The following SV2C variants were observed in gnomAD, a reference collection of about 807,000 sequenced individuals.
SV2C encodes the protein synaptic vesicle glycoprotein 2C, also known as solute carrier family 22 member B3.
Under a neutral mutation model 79.7 loss-of-function variants are expected in SV2C, and 49 were observed. The ratio of observed to expected loss-of-function variants is 0.61; its 90% CI spans 0.49 to 0.78. The LOEUF is 0.78. Among genes scored for constraint, SV2C ranks in the 30% least tolerant of loss-of-function variants. SV2C has a pLI of 0.00. For missense variants in SV2C, 833 were observed against 912.9 expected, an observed-to-expected ratio of 0.91 and a Z score of 1.13; for synonymous variants, 334 against 333.2, an observed-to-expected ratio of 1.00 and a Z score of -0.03.
At chr5:75,906,780 G>C in the SV2C span, among the ~76,000 whole-genome samples, 1 of 152,064 alleles carries the variant, frequency 6.6e-6, no homozygotes, top group African/African-American at 2.4e-5. Context: ...GTCCTCACTG[G>C]CACATCTTAC....
At chr5:75,854,108 A>G in the SV2C span, among the ~76,000 whole-genome samples, 1 of 151,554 alleles carries the variant, frequency 6.6e-6, no homozygotes, top group African/African-American at 2.4e-5. Flanking sequence ...TAAAAATTTC[A>G]TATAAACCAA....
intron 4 of SV2C, among the ~76,000 whole-genome samples, chr5:76,232,972 GAAGA>G (rs1745476267): frequency 7.1e-6 from 1 of 140,908 alleles, no homozygotes; most frequent in East Asian, 1.9e-4. Context: ...CCAATTCTGT[GAAGA>G]AAGTCATTGG....
At chr5:76,219,315 T>C (rs1207738182) in intron 4 of SV2C, among the ~76,000 whole-genome samples, 1 of 152,262 alleles carries the variant, frequency 6.6e-6, no homozygotes, top group Non-Finnish European at 1.5e-5. Context: ...ATCAATCTTA[T>C]ATTTTATCTC....
chr5:76,252,183 G>T (rs184558929), intron 4 of SV2C, among the ~76,000 whole-genome samples: 62 of 152,232 alleles, frequency 4.1e-4, no homozygotes, highest in African/African-American at 1.4e-3. Flanking sequence ...ACAATGGTGC[G>T]ATCTTGGCTC....
At chr5:76,250,161 T>C (rs1450481915) in intron 4 of SV2C, among the ~76,000 whole-genome samples, 1 of 152,172 alleles carries the variant, frequency 6.6e-6, no homozygotes, top group Non-Finnish European at 1.5e-5. Context: ...CCTCACTCTC[T>C]TCTCCATGTC....
intron 2 of SV2C, among the ~76,000 whole-genome samples, chr5:76,164,581 T>C (rs1228885484): frequency 3.3e-5 from 5 of 152,230 alleles, no homozygotes; most frequent in Non-Finnish European, 7.3e-5. Flanking sequence ...GTTTTTGGTC[T>C]TTTGGTTTTC....
chr5:76,128,546 C>T (rs1036952961), intron 1 of SV2C, among the ~76,000 whole-genome samples: 8 of 152,084 alleles, frequency 5.3e-5, no homozygotes, highest in African/African-American at 1.2e-4. Context: ...AGCTTGAGTC[C>T]GGCATCTCCT....
At chr5:76,242,649 T>C (rs1204692738) in intron 4 of SV2C, among the ~76,000 whole-genome samples, 1 of 152,118 alleles carries the variant, frequency 6.6e-6, no homozygotes, top group East Asian at 1.9e-4. Context: ...GGTACAGGGC[T>C]AGAGTTAAAA....
chr5:76,308,263 C>T (rs1467761017), intron 12 of SV2C, among the ~76,000 whole-genome samples: 1 of 152,160 alleles, frequency 6.6e-6, no homozygotes, highest in Non-Finnish European at 1.5e-5. Flanking sequence ...TCCAGTGACA[C>T]CCAAGAGTGG....
At position 76,301,521 on chromosome 5, in the gene SV2C, T is replaced by C. The variant is rs1748000001; in HGVS notation, c.1976T>C (p.Val659Ala). 1.9e-6 allele frequency: 3 copies of C among 1,613,830 alleles called. No homozygotes were observed. The highest frequency in any genetic ancestry group is 1.3e-5 in the African/African-American group (1 of 74,886). Residue 659 changes from valine (V) to alanine (A), a missense_variant, in exon 12 of 13, where the codon GTG becomes GCG. Coordinates refer to ENST00000502798, the MANE Select transcript of SV2C (RefSeq NM_014979.4). The part of the protein sequence containing the change: ...SAWNSLDVVT[V>A]ELYPTDRRAT... ...TGGAACTCTCTTGACGTGGTCACTG[T>C]GGAACTGTACCCCACAGACCGGAGG...
intron 4 of SV2C, among the ~76,000 whole-genome samples, chr5:76,283,294 C>T (rs1377990711): frequency 5.9e-5 from 9 of 152,094 alleles, no homozygotes; most frequent in East Asian, 3.9e-4. Context: ...TCCAGCCTGG[C>T]GACAGAGCGA....
At chr5:75,936,707 T>C in the SV2C span, among the ~76,000 whole-genome samples, 1 of 152,234 alleles carries the variant, frequency 6.6e-6, no homozygotes, top group African/African-American at 2.4e-5. Flanking sequence ...CAGTGTCTAA[T>C]CATTATTCAC....
At chr5:75,972,337 T>C in the SV2C span, among the ~76,000 whole-genome samples, 6 of 151,960 alleles carry the variant, frequency 3.9e-5, no homozygotes, top group Non-Finnish European at 8.8e-5. Flanking sequence ...GGGATCTAAT[T>C]AAACTAAAGA....
the SV2C span, among the ~76,000 whole-genome samples, chr5:75,903,587 C>A: frequency 6.6e-6 from 1 of 152,158 alleles, no homozygotes; most frequent in Admixed American, 6.5e-5. Context: ...TGTATTAAAT[C>A]TGTTTAGAAT....
intron 1 of SV2C, among the ~76,000 whole-genome samples, chr5:76,105,167 A>G (rs1789996462): frequency 6.6e-6 from 1 of 152,176 alleles, no homozygotes; most frequent in Non-Finnish European, 1.5e-5. Flanking sequence ...TCTTCAAGTC[A>G]AGAAATGCCA....
At chr5:76,245,936 A>ATGTGTGTGTGTGTG (rs60767964) in intron 4 of SV2C, among the ~76,000 whole-genome samples, 1,756 of 129,120 alleles carry the variant, frequency 0.014, 32 homozygotes, top group African/African-American at 0.044. Context: ...GTGTGTGTGT[A>ATGTGTGTGTGTGTG]TGTGTGTGTG....
chr5:76,337,043 T>C (rs766083123), downstream of SV2C, among the ~76,000 whole-genome samples: 3 of 152,170 alleles, frequency 2.0e-5, no homozygotes, highest in Non-Finnish European at 4.4e-5. Context: ...CTTTTCCTGC[T>C]TGTTGATATC....
chr5:76,179,048 A>T (rs1407219817), intron 2 of SV2C, among the ~76,000 whole-genome samples: 1 of 152,232 alleles, frequency 6.6e-6, no homozygotes, highest in Non-Finnish European at 1.5e-5. Flanking sequence ...TCAAATTGAA[A>T]ATTAATTATA....
the SV2C span, among the ~76,000 whole-genome samples, chr5:76,031,662 A>G: frequency 1.3e-5 from 2 of 152,330 alleles, no homozygotes; most frequent in African/African-American, 2.4e-5. Context: ...TGAGACCTTA[A>G]TATATTCAAT....
Sources: gnomAD v4.1 joint callset for allele counts (sites outside exome capture counted in the v4.1 genomes callset) on GRCh38, gnomAD v4.1.1 for gene constraint, MANE v1.5 for transcripts, NCBI Gene and HGNC (gene_info 2026-07-23, HGNC 2026-07-21) for gene names.